KIRREL3: variants seen among roughly 807,000 people sequenced by gnomAD.
The protein encoded by KIRREL3 is kin of IRRE-like protein 3.
KIRREL3 carries 36 observed loss-of-function variants against 89.7 expected under a neutral mutation model. That is an observed-to-expected ratio of 0.40 (90% CI 0.31 to 0.53). The LOEUF is 0.53. KIRREL3 is among the 20% of genes least tolerant of loss of function. KIRREL3 has a pLI of 0.49. For synonymous variants in KIRREL3, 445 were observed against 441.4 expected, an observed-to-expected ratio of 1.01 and a Z score of -0.10; for missense variants, 864 against 1,056.6, an observed-to-expected ratio of 0.82 and a Z score of 2.53.
chr11:126,817,560 C>T lies in KIRREL3; in HGVS notation c.55+182895G>A, dbSNP rs1951615011. Among the ~76,000 whole-genome samples, 1 of 152,216 alleles carries T rather than the reference C, an allele frequency of 6.6e-6. No individual in the cohort carries two copies. The highest frequency in any genetic ancestry group is 1.5e-5 in the Non-Finnish European group (1 of 68,042). On this transcript the variant is annotated intron_variant, in intron 1 of 16. Coordinates refer to ENST00000525144, the MANE Select transcript of KIRREL3 (RefSeq NM_032531.4). The surrounding 1 kb of genome is among the most constrained non-coding windows in gnomAD (Gnocchi z 5.7). ...CTATGGTTGGAACCCCTGCTCGGTACTCCCTGTCCCATGCCCAGAAGGGGA... is the reference window on the plus strand; with the variant it reads ...CTATGGTTGGAACCCCTGCTCGGTATTCCCTGTCCCATGCCCAGAAGGGGA...
intron 12 of KIRREL3, among the ~76,000 whole-genome samples, chr11:126,436,498 G>A (rs1955340271): frequency 6.6e-6 from 1 of 152,262 alleles, no homozygotes; most frequent in Non-Finnish European, 1.5e-5. Flanking sequence ...AGGCTACTGG[G>A]CAGCTTGTCA....
At chr11:126,833,215 C>T (rs1357154739) in intron 1 of KIRREL3, among the ~76,000 whole-genome samples, 2 of 152,174 alleles carry the variant, frequency 1.3e-5, no homozygotes, top group African/African-American at 2.4e-5. Context: ...TAATGGGGAC[C>T]CAGTTTTCCC....
chr11:126,758,138 G>A (rs1752397974), intron 1 of KIRREL3, among the ~76,000 whole-genome samples: 1 of 152,208 alleles, frequency 6.6e-6, no homozygotes, highest in Admixed American at 6.5e-5. Context: ...TGGCTATTAA[G>A]ACTCTCAAAG....
chr11:126,483,564 TG>T (rs111471912), intron 4 of KIRREL3, among the ~76,000 whole-genome samples: 4 of 152,210 alleles, frequency 2.6e-5, no homozygotes, highest in Admixed American at 1.3e-4. Context: ...CCCTCCACTA[TG>T]GCCAGGTGAC....
intron 1 of KIRREL3, among the ~76,000 whole-genome samples, chr11:126,845,881 C>T (rs1292362521): frequency 6.6e-6 from 1 of 152,150 alleles, no homozygotes; most frequent in Non-Finnish European, 1.5e-5. Flanking sequence ...GATATTCAGG[C>T]TCCAACGGCC....
In KIRREL3 at chr11:126,684,203, C is replaced by T. The variant is rs564957711; in HGVS notation, c.56-121291G>A. 5.3e-5 allele frequency among the ~76,000 whole-genome samples: 8 copies of T among 152,150 alleles called. No individual in the cohort carries two copies. The highest frequency in any genetic ancestry group is 1.9e-4 in the East Asian group (1 of 5,190). On this transcript the variant is annotated intron_variant, in intron 1 of 16. Transcript: ENST00000525144. The surrounding 1 kb of genome is among the most constrained non-coding windows in gnomAD (Gnocchi z 4.2). ...GTGTGTGCAATATGGTGGGAGGAGC[C>T]GGGCTGGAGGCTGCAGACTCTGCCT...
chr11:126,977,614 C>A lies in KIRREL3; in HGVS notation c.55+22841G>T, dbSNP rs1437219924. Among the ~76,000 whole-genome samples the A allele has an allele frequency of 6.6e-6, 1 of 152,160 alleles. No individual in the cohort carries two copies. Among genetic ancestry groups the A allele is most frequent in the Non-Finnish European group, 1.5e-5 (1 of 68,038 alleles). On this transcript the variant is annotated intron_variant, in intron 1 of 16. Transcript: ENST00000525144. This position sits in a 1 kb window ranked among gnomAD's most constrained non-coding sequence, Gnocchi z 4.7. ...CCTGTCTATTTCATCAGGTTTATAC[C>A]TTGTTGGCACAATGCCTGGCACATA...
At chr11:126,446,336 C>CTCT (rs1955813697) in intron 9 of KIRREL3, among the ~76,000 whole-genome samples, 1 of 147,920 alleles carries the variant, frequency 6.8e-6, no homozygotes, top group Non-Finnish European at 1.5e-5. Flanking sequence ...TTCTTTCTTT[C>CTCT]CTTTCTTCTT....
intron 5 of KIRREL3, among the ~76,000 whole-genome samples, chr11:126,469,110 C>T (rs58791145): frequency 0.016 from 2,495 of 152,320 alleles, 67 homozygotes; most frequent in African/African-American, 0.057. Context: ...GTGCTGCTGT[C>T]GTTCCCATTG....
In KIRREL3 at chr11:126,837,404, A is replaced by G. The variant is rs1943817042; in HGVS notation, c.55+163051T>C. 6.6e-6 allele frequency among the ~76,000 whole-genome samples: 1 copy of G among 152,228 alleles called. No homozygotes were observed. Among genetic ancestry groups the G allele is most frequent in the Non-Finnish European group, 1.5e-5 (1 of 68,042 alleles). On this transcript the variant is annotated intron_variant, in intron 1 of 16. Transcript: ENST00000525144. This position sits in a 1 kb window ranked among gnomAD's most constrained non-coding sequence, Gnocchi z 4.7. ...TCAAAACTCTGAATTCAAAACTATG[A>G]ACTTGTTAGATAAGGACATGTCTAG...
At chr11:126,633,235 G>A (rs193295967) in intron 1 of KIRREL3, among the ~76,000 whole-genome samples, 17 of 152,250 alleles carry the variant, frequency 1.1e-4, no homozygotes, top group Admixed American at 2.6e-4. Context: ...GTGGGGTGGG[G>A]GTGAGGGGAG....
At chr11:126,781,097 A>ATGTGG (rs1170281467) in intron 1 of KIRREL3, among the ~76,000 whole-genome samples, 2 of 152,152 alleles carry the variant, frequency 1.3e-5, no homozygotes, top group African/African-American at 4.8e-5. Context: ...GTGGACGTGC[A>ATGTGG]TGTGGTGTGA....
At chr11:126,452,265 T>C (rs1480339198) in intron 7 of KIRREL3, among the ~76,000 whole-genome samples, 1 of 152,282 alleles carries the variant, frequency 6.6e-6, no homozygotes. Flanking sequence ...GAGTTATTCA[T>C]GTGTCGTTTC....
chr11:126,889,753 T>G (rs1945839304), intron 1 of KIRREL3, among the ~76,000 whole-genome samples: 1 of 152,192 alleles, frequency 6.6e-6, no homozygotes, highest in Admixed American at 6.5e-5. Flanking sequence ...AATAGAGAAC[T>G]TTGGAAAAAT....
intron 1 of KIRREL3, among the ~76,000 whole-genome samples, chr11:126,613,893 T>TTTTTTTTTTTTTTTCTTTTG (rs371748740): frequency 8.4e-6 from 1 of 118,644 alleles, no homozygotes; most frequent in Non-Finnish European, 1.7e-5. Context: ...TTTTTTTTTT[T>TTTTTTTTTTTTTTTCTTTTG]ATTTTTTTCC....
In KIRREL3 at chr11:126,871,404, A is replaced by G. The variant is rs980910232; in HGVS notation, c.55+129051T>C. 2.6e-5 allele frequency among the ~76,000 whole-genome samples: 4 copies of G among 152,166 alleles called. No homozygotes were observed. In the East Asian group the frequency reaches 5.8e-4, roughly 22 times the overall value. On this transcript the variant is annotated intron_variant, in intron 1 of 16. Coordinates refer to ENST00000525144, the MANE Select transcript of KIRREL3 (RefSeq NM_032531.4). The stretch of plus-strand genomic sequence containing the variant: ...TATGCTGTGTGACTTTGGGTAAGTC[A>G]CTTACCCTCTCTGAATCTTCAAAGG...
intron 1 of KIRREL3, among the ~76,000 whole-genome samples, chr11:126,779,713 CTCTT>C (rs1173837763): frequency 6.6e-6 from 1 of 152,136 alleles, no homozygotes; most frequent in African/African-American, 2.4e-5. Context: ...TGTCCTTCCT[CTCTT>C]CCTTCCATTT....
chr11:126,616,985 G>A (rs1310796281), intron 1 of KIRREL3, among the ~76,000 whole-genome samples: 1 of 152,332 alleles, frequency 6.6e-6, no homozygotes, highest in South Asian at 2.1e-4. Flanking sequence ...AAGCCAGAGA[G>A]TCTTACTTAA....
rs1437607689 is a variant in KIRREL3 at position 126,640,287 on chromosome 11, A to G, written c.56-77375T>C. 2.6e-5 allele frequency among the ~76,000 whole-genome samples: 4 copies of G among 151,928 alleles called. No individual in the cohort carries two copies. Among genetic ancestry groups the G allele is most frequent in the African/African-American group, 9.7e-5 (4 of 41,374 alleles). ...CAGTGGGTATGTGGGGCTCCTGGGG[A>G]CCCACTTTGGTTTGGGAAAGGAGGT... On this transcript the variant is annotated intron_variant, in intron 1 of 16. Coordinates refer to ENST00000525144, the MANE Select transcript of KIRREL3 (RefSeq NM_032531.4). This position sits in a 1 kb window ranked among gnomAD's most constrained non-coding sequence, Gnocchi z 4.9.
Sources: allele counts gnomAD v4.1 joint callset (sites outside exome capture counted in the v4.1 genomes callset), GRCh38; gene constraint gnomAD v4.1.1; non-coding constraint Gnocchi (gnomAD v3.1); transcripts MANE v1.5; gene names NCBI Gene and HGNC (gene_info 2026-07-23, HGNC 2026-07-21).